HIPK3: variants seen among roughly 807,000 people sequenced by gnomAD.
HIPK3 encodes homeodomain interacting protein kinase 3.
Under a neutral mutation model 124.2 loss-of-function variants are expected in HIPK3, and 47 were observed. The observed-to-expected ratio is 0.38, with a 90% CI of 0.30 to 0.48. HIPK3 has a LOEUF of 0.48. Among genes scored for constraint, HIPK3 ranks in the 20% least tolerant of loss-of-function variants. The pLI is 0.98. For missense variants in HIPK3, 1,286 were observed against 1,454.3 expected, an observed-to-expected ratio of 0.88 and a Z score of 1.88; for synonymous variants, 482 against 515.2, an observed-to-expected ratio of 0.94 and a Z score of 0.87.
intron 2 of HIPK3, among the ~76,000 whole-genome samples, chr11:33,319,587 C>A (rs1852604939): frequency 6.6e-6 from 1 of 151,860 alleles, no homozygotes; most frequent in Non-Finnish European, 1.5e-5. Flanking sequence ...AACAGTTGTC[C>A]CCAATGCAAA....
chr11:33,346,420 T>G (rs1224042481), intron 8 of HIPK3, among the ~76,000 whole-genome samples: 1 of 152,198 alleles, frequency 6.6e-6, no homozygotes, highest in East Asian at 1.9e-4. Flanking sequence ...TTGCCTTTCC[T>G]TTGGAGGTTG....
chr11:33,315,146 T>A (rs777459880), intron 2 of HIPK3, among the ~76,000 whole-genome samples: 1 of 152,250 alleles, frequency 6.6e-6, no homozygotes, highest in Non-Finnish European at 1.5e-5. Flanking sequence ...TTTCCACAGA[T>A]ACTTTTTGTG....
intron 2 of HIPK3, among the ~76,000 whole-genome samples, chr11:33,311,495 T>G (rs1218106584): frequency 6.6e-6 from 1 of 152,174 alleles, no homozygotes; most frequent in African/African-American, 2.4e-5. Flanking sequence ...TGTTTGTTTG[T>G]TTTTCAATAG....
intron 8 of HIPK3, 52 bp downstream of exon 8, chr11:33,341,738 A>G (rs1853341902): frequency 6.7e-7 from 1 of 1,488,798 alleles, no homozygotes; most frequent in Non-Finnish European, 9.2e-7. Context: ...TTATTTTAAA[A>G]TAAGTTTAGG....
chr11:33,295,330 G>T (rs1394723714), intron 2 of HIPK3, among the ~76,000 whole-genome samples: 3 of 129,726 alleles, frequency 2.3e-5, no homozygotes, highest in Non-Finnish European at 4.6e-5. Context: ...GAAGGACTTC[G>T]GGACTGTTCG....
chr11:33,317,120 G>A (rs907266477), intron 2 of HIPK3, among the ~76,000 whole-genome samples: 13 of 151,764 alleles, frequency 8.6e-5, no homozygotes, highest in Admixed American at 7.2e-4. Context: ...ACAGGTGTGC[G>A]CCACCATGCC....
intron 2 of HIPK3, among the ~76,000 whole-genome samples, chr11:33,288,680 GCTAA>G (rs1326234291): frequency 1.3e-5 from 2 of 152,124 alleles, no homozygotes; most frequent in Non-Finnish European, 1.5e-5. Context: ...AGTATGAGAG[GCTAA>G]CTAATGATTA....
chr11:33,334,651 TAA>T (rs71034673), intron 3 of HIPK3, among the ~76,000 whole-genome samples: 105,667 of 150,858 alleles, frequency 0.7, 37,055 homozygotes, highest in Non-Finnish European at 0.72. Context: ...TGATGAGCTT[TAA>T]AAAAAAAAAA....
At position 33,319,465 on chromosome 11, in the gene HIPK3, C is replaced by T. The variant is rs1285801449; in HGVS notation, c.1098-9045C>T. ...GAGCCGAGATTGTGCCATTGCACTC[C>T]AGCCTGGGCAAAAAGAGCGAAACTC... On this transcript the variant is annotated intron_variant, in intron 2 of 16. Transcript: ENST00000303296. Among the ~76,000 whole-genome samples, 4 of 148,760 alleles carry T rather than the reference C, an allele frequency of 2.7e-5. No homozygotes were observed. The East Asian group carries it at 7.9e-4, about 30-fold the overall frequency.
chr11:33,261,169 C>T (rs1850814173), intron 1 of HIPK3, among the ~76,000 whole-genome samples: 1 of 144,428 alleles, frequency 6.9e-6, no homozygotes, highest in Non-Finnish European at 1.5e-5. Context: ...ATATATAATA[C>T]ATTATATAAA....
chr11:33,274,170 G>T (rs2133881819), intron 1 of HIPK3, among the ~76,000 whole-genome samples: 1 of 152,146 alleles, frequency 6.6e-6, no homozygotes, highest in Admixed American at 6.5e-5. Context: ...CCTTTTTATT[G>T]CTGTCAGCAG....
At chr11:33,335,048 C>T (rs1255965290) in intron 3 of HIPK3, among the ~76,000 whole-genome samples, 1 of 152,074 alleles carries the variant, frequency 6.6e-6, no homozygotes, top group Non-Finnish European at 1.5e-5. Context: ...GGAAGAGGTA[C>T]AGGGCATCAA....
intron 2 of HIPK3, among the ~76,000 whole-genome samples, chr11:33,306,009 G>T (rs1791433303): frequency 6.6e-6 from 1 of 152,130 alleles, no homozygotes; most frequent in Admixed American, 6.6e-5. Context: ...TGGGACTACA[G>T]GTGGGCATGC....
At chr11:33,313,370 T>C (rs554564846) in intron 2 of HIPK3, among the ~76,000 whole-genome samples, 10 of 152,320 alleles carry the variant, frequency 6.6e-5, no homozygotes, top group African/African-American at 2.4e-4. Context: ...TAATATCATA[T>C]TAATTTCCTG....
Position 33,337,065 on chromosome 11 carries a change from T to A in HIPK3, c.1222-10T>A. ...GAATAAACTATTCTGTTCTGTAAAT[T>A]ATTTTTCAGATTCGATACATTTCTC... On this transcript the variant is annotated splice_polypyrimidine_tract_variant and intron_variant, in intron 3 of 16. Coordinates refer to ENST00000303296, the MANE Select transcript of HIPK3 (RefSeq NM_005734.5). 1 of 1,588,018 alleles carries A rather than the reference T, an allele frequency of 6.3e-7. No individual in the cohort carries two copies. Among genetic ancestry groups the A allele is most frequent in the Non-Finnish European group, 8.6e-7 (1 of 1,163,390 alleles).
chr11:33,338,003 G>A (rs1853208852), intron 4 of HIPK3, among the ~76,000 whole-genome samples: 1 of 151,954 alleles, frequency 6.6e-6, no homozygotes, highest in African/African-American at 2.4e-5. Flanking sequence ...AGCCCTCTTG[G>A]AATAACTTCA....
At chr11:33,351,529 C>A in intron 14 of HIPK3, 79 bp from the exon 15 acceptor site, 1 of 940,278 alleles carries the variant, frequency 1.1e-6, no homozygotes, top group Non-Finnish European at 1.7e-6. Context: ...CATCAGTTCA[C>A]TGGAGCCTGA....
intron 2 of HIPK3, among the ~76,000 whole-genome samples, chr11:33,303,943 A>G (rs907399054): frequency 1.3e-5 from 2 of 152,066 alleles, no homozygotes; most frequent in African/African-American, 4.8e-5. Context: ...ATATGTGTAT[A>G]TATATATATT....
At chr11:33,332,109 A>G (rs1325432138) in intron 3 of HIPK3, among the ~76,000 whole-genome samples, 1 of 152,190 alleles carries the variant, frequency 6.6e-6, no homozygotes, top group Non-Finnish European at 1.5e-5. Flanking sequence ...AAAAATATTC[A>G]AAGTATTTTA....
Sources: gnomAD v4.1 joint callset for allele counts (sites outside exome capture counted in the v4.1 genomes callset) on GRCh38, gnomAD v4.1.1 for gene constraint, MANE v1.5 for transcripts, NCBI Gene and HGNC (gene_info 2026-07-23, HGNC 2026-07-21) for gene names.